The following SPINK4 variants were observed in gnomAD, a reference collection of about 807,000 sequenced individuals.
The protein encoded by SPINK4 is serine peptidase inhibitor Kazal type 4, also known as serine protease inhibitor Kazal-type 4.
A neutral mutation model predicts 12.3 loss-of-function variants in SPINK4; 10 were observed. The observed-to-expected ratio is 0.81, with a 90% CI of 0.50 to 1.37. The LOEUF is 1.37. Among genes scored for constraint, SPINK4 ranks in the 40% most tolerant of loss-of-function variants. The pLI is 0.00. For missense variants in SPINK4, 91 were observed against 109.0 expected (o/e 0.84, Z 0.73); for synonymous variants, 37 against 40.2 (o/e 0.92, Z 0.30).
At chr9:33,245,447 G>A (rs904484442) in intron 2 of SPINK4, among the ~76,000 whole-genome samples, 1 of 152,134 alleles carries the variant, frequency 6.6e-6, no homozygotes. Flanking sequence ...AGCAGGACAG[G>A]GTGTGCTCTC....
chr9:33,241,363 T>C (rs974124409), intron 1 of SPINK4, among the ~76,000 whole-genome samples: 2 of 152,228 alleles, frequency 1.3e-5, no homozygotes, highest in African/African-American at 4.8e-5. Flanking sequence ...CAGAGAGTTA[T>C]GTCTTTCAAG....
intron 1 of SPINK4, among the ~76,000 whole-genome samples, chr9:33,244,340 C>T (rs1198127306): frequency 6.6e-6 from 1 of 152,210 alleles, no homozygotes; most frequent in African/African-American, 2.4e-5. Context: ...CTCTTTGAGC[C>T]TCTTTCGTAG....
intron 1 of SPINK4, among the ~76,000 whole-genome samples, chr9:33,242,817 A>G (rs1329401957): frequency 1.3e-5 from 2 of 151,922 alleles, no homozygotes; most frequent in Admixed American, 6.6e-5. Context: ...GAACATTTCC[A>G]TAGCCCCAGA....
At chr9:33,246,526 C>G (rs528958861) in intron 2 of SPINK4, 90 bp from the exon 3 acceptor site, 10 of 1,118,280 alleles carry the variant, frequency 8.9e-6, no homozygotes, top group East Asian at 2.4e-5. Context: ...TGATACCTCA[C>G]TGGGGCCCCA....
chr9:33,246,909 G>A (rs1408852441), intron 3 of SPINK4, among the ~76,000 whole-genome samples, 181 bp downstream of exon 3: 2 of 152,066 alleles, frequency 1.3e-5, no homozygotes, highest in Admixed American at 1.3e-4. Flanking sequence ...ATGGTTCCAA[G>A]CAGAAATCTA....
chr9:33,245,050 CAGACCCCT>C (rs1820272224), intron 1 of SPINK4, 54 bp from the exon 2 acceptor site: 1 of 1,556,574 alleles, frequency 6.4e-7, no homozygotes, highest in African/African-American at 1.4e-5. Flanking sequence ...AAGCAGTCCT[CAGACCCCT>C]AGACCTGGGG....
At chr9:33,241,959 A>G (rs1394995851) in intron 1 of SPINK4, among the ~76,000 whole-genome samples, 1 of 152,082 alleles carries the variant, frequency 6.6e-6, no homozygotes, top group Non-Finnish European at 1.5e-5. Flanking sequence ...GGCTCACTGC[A>G]ACCTCTGCCT....
chr9:33,243,696 G>A (rs62546680), intron 1 of SPINK4, among the ~76,000 whole-genome samples: 3 of 152,064 alleles, frequency 2.0e-5, no homozygotes, highest in African/African-American at 2.4e-5. Context: ...ATCACTTTCA[G>A]TTTGGGCAAT....
At chr9:33,248,100 A>C (rs1462598354) in intron 3 of SPINK4, 1 of 306,190 alleles carries the variant, frequency 3.3e-6, no homozygotes, top group Admixed American at 4.6e-5. Context: ...GTTTGTGGAC[A>C]GTTGAGCCCC....
At chr9:33,247,160 A>ATTTTTT (rs34574251) in intron 3 of SPINK4, among the ~76,000 whole-genome samples, 1 of 135,966 alleles carries the variant, frequency 7.4e-6, no homozygotes, top group Admixed American at 7.6e-5. Flanking sequence ...GCAGCACAGA[A>ATTTTTT]TTTTTTTTTT....
intron 1 of SPINK4, among the ~76,000 whole-genome samples, chr9:33,240,551 C>G (rs1156748197): frequency 6.6e-6 from 1 of 152,210 alleles, no homozygotes; most frequent in Non-Finnish European, 1.5e-5. Context: ...CAAAGCTGCA[C>G]TGAGCAACTA....
At chr9:33,244,757 A>C (rs2117879415) in intron 1 of SPINK4, among the ~76,000 whole-genome samples, 1 of 152,298 alleles carries the variant, frequency 6.6e-6, no homozygotes, top group Non-Finnish European at 1.5e-5. Flanking sequence ...CAGCAGTAAG[A>C]TAGGGGTGGA....
chr9:33,246,731 A>G lies in SPINK4; in HGVS notation c.215+3A>G, dbSNP rs557303126. ...TGCCAGCTCTGCTTGGCCCGGATGTAAGTCTGCCCCACAACCCCTGCTTGC... is the reference window on the plus strand; with the variant it reads ...TGCCAGCTCTGCTTGGCCCGGATGTGAGTCTGCCCCACAACCCCTGCTTGC... On this transcript the variant is annotated splice_donor_region_variant and intron_variant, in intron 3 of 3. Transcript: ENST00000379721. 1.2e-6 allele frequency: 2 copies of G among 1,613,580 alleles called. No homozygotes were observed. The highest frequency in any genetic ancestry group is 4.5e-5 in the East Asian group (2 of 44,862).
intron 1 of SPINK4, among the ~76,000 whole-genome samples, chr9:33,241,598 G>T (rs1008162882): frequency 2.6e-5 from 4 of 152,184 alleles, no homozygotes; most frequent in African/African-American, 7.2e-5. Context: ...GCCTGCTTAC[G>T]CCCAGCCTGG....
chr9:33,245,288 C>CACCT, intron 2 of SPINK4, 136 bp downstream of exon 2: 3 of 839,490 alleles, frequency 3.6e-6, no homozygotes, highest in Non-Finnish European at 5.4e-6. Context: ...AGGTGGCCTC[C>CACCT]TGGCCTGCAC....
intron 1 of SPINK4, among the ~76,000 whole-genome samples, chr9:33,244,586 G>A (rs1458780600): frequency 6.6e-6 from 1 of 152,142 alleles, no homozygotes; most frequent in Non-Finnish European, 1.5e-5. Flanking sequence ...GCAGCCCTGG[G>A]CAAGGCAGCT....
intron 2 of SPINK4, 82 bp downstream of exon 2, chr9:33,245,234 T>C (rs1047192913): frequency 6.9e-7 from 1 of 1,453,502 alleles, no homozygotes; most frequent in Admixed American, 2.0e-5. Context: ...GTTATTCTTC[T>C]CCACGATCCT....
chr9:33,240,537 A>T (rs1564072737), intron 1 of SPINK4, among the ~76,000 whole-genome samples: 1 of 152,332 alleles, frequency 6.6e-6, no homozygotes, highest in East Asian at 1.9e-4. Context: ...GCATTGTTCC[A>T]GTTCAAAGCT....
In SPINK4 at chr9:33,248,514, C is replaced by G. The variant is rs761432128; in HGVS notation, c.*43C>G. Reference sequence around the variant, plus strand: ...AAGCCATGAAGTGTCAGCTGGAGAACAGTGGTGGGCATGGAGAGGATATGA... The same window carrying G: ...AAGCCATGAAGTGTCAGCTGGAGAAGAGTGGTGGGCATGGAGAGGATATGA... On this transcript the variant is annotated 3_prime_UTR_variant, in exon 4 of 4. Coordinates refer to ENST00000379721, the MANE Select transcript of SPINK4 (RefSeq NM_014471.3). 1.2e-6 allele frequency: 2 copies of G among 1,609,096 alleles called. No homozygotes were observed. Among genetic ancestry groups the G allele is most frequent in the Non-Finnish European group, 8.5e-7 (1 of 1,176,366 alleles).
Sources: allele counts gnomAD v4.1 joint callset (sites outside exome capture counted in the v4.1 genomes callset), GRCh38; gene constraint gnomAD v4.1.1; transcripts MANE v1.5; gene names NCBI Gene and HGNC (gene_info 2026-07-23, HGNC 2026-07-21).